Variants in TRIP12 observed in about 807,000 individuals in gnomAD.
TRIP12 encodes the protein thyroid hormone receptor interactor 12.
TRIP12 carries 25 observed loss-of-function variants against 244.2 expected under a neutral mutation model. The observed-to-expected ratio is 0.10, with a 90% CI of 0.07 to 0.14. TRIP12 has a LOEUF of 0.14. Among genes scored for constraint, TRIP12 ranks in the 10% least tolerant of loss-of-function variants. TRIP12 has a pLI of 1.00. For synonymous variants in TRIP12, 905 were observed against 873.1 expected (o/e 1.04, Z -0.64); for missense variants, 1,677 against 2,486.4 (o/e 0.67, Z 6.92).
At chr2:229,813,192 A>T (rs1315706087) in intron 13 of TRIP12, among the ~76,000 whole-genome samples, 1 of 152,172 alleles carries the variant, frequency 6.6e-6, no homozygotes, top group East Asian at 1.9e-4. Context: ...CTTAACCCAT[A>T]TTCTCCTGCT....
intron 2 of TRIP12, among the ~76,000 whole-genome samples, chr2:229,878,829 A>C (rs929760375): frequency 1.2e-4 from 18 of 151,758 alleles, no homozygotes; most frequent in Admixed American, 2.0e-4. Context: ...TGATCCGCCC[A>C]CCTTGGCCTC....
chr2:229,829,434 C>A, intron 7 of TRIP12, 146 bp from the exon 8 acceptor site: 1 of 598,000 alleles, frequency 1.7e-6, no homozygotes, highest in Non-Finnish European at 2.9e-6. Flanking sequence ...AAGCTACAAA[C>A]TTTCAAGACC....
intron 1 of TRIP12, among the ~76,000 whole-genome samples, chr2:229,910,315 G>A (rs1272347399): frequency 1.3e-5 from 2 of 152,146 alleles, no homozygotes; most frequent in African/African-American, 2.4e-5. Context: ...AGTTAACTCT[G>A]TAATTATGAA....
chr2:229,826,822 C>T lies in TRIP12; in HGVS notation c.1450+2371G>A, dbSNP rs956403204. ...TGATATAAAAGATTAAAAAATGGTA[C>T]GTCTGTATAGGGCACTTACCATGAA... On this transcript the variant is annotated intron_variant, in intron 8 of 41. Transcript: ENST00000675903. 7.2e-5 allele frequency among the ~76,000 whole-genome samples: 11 copies of T among 151,934 alleles called. 1 individual carries two copies. Among genetic ancestry groups the T allele is most frequent in the Admixed American group, 3.3e-4 (5 of 15,254 alleles).
chr2:229,914,040 G>T (rs1002853474), intron 1 of TRIP12, among the ~76,000 whole-genome samples: 1 of 151,992 alleles, frequency 6.6e-6, no homozygotes, highest in African/African-American at 2.4e-5. Flanking sequence ...AGCCGAGGTG[G>T]GTGGATTGCC....
rs1289412111 is a variant in TRIP12 at position 229,763,999 on chromosome 2, C to T, written c.*3555G>A. ...AAAAATGCTTTACACAGGAGATCAG[C>T]AATTGGTTATAGGTTTGGAAATATG... On this transcript the variant is annotated 3_prime_UTR_variant, in exon 42 of 42. Coordinates refer to ENST00000675903, the MANE Select transcript of TRIP12 (RefSeq NM_001348323.3). 6.6e-6 allele frequency: 1 copy of T among 152,140 alleles called. No homozygotes were observed. Among genetic ancestry groups the T allele is most frequent in the Non-Finnish European group, 1.5e-5 (1 of 68,038 alleles). The allele number at this position is 152,140 out of a possible 1,614,324, so 9.4% of individuals were successfully genotyped here. A position where few individuals can be genotyped will look rare whatever the true frequency, so the allele number is the denominator to read the frequency against.
chr2:229,843,096 C>G (rs13033489), intron 4 of TRIP12, among the ~76,000 whole-genome samples: 2 of 131,592 alleles, frequency 1.5e-5, no homozygotes, highest in Non-Finnish European at 3.2e-5. Flanking sequence ...CTCCTTCTCT[C>G]TCTCCCTCCC....
chr2:229,785,640 A>G, intron 34 of TRIP12, 117 bp downstream of exon 34: 3 of 928,586 alleles, frequency 3.2e-6, no homozygotes, highest in Non-Finnish European at 4.7e-6. Context: ...ATTCAAGAGA[A>G]AAGAGAGCAA....
In TRIP12 at chr2:229,859,247, G is replaced by A. The variant is rs748897921; in HGVS notation, c.552C>T (p.Gly184=). The A allele has an allele frequency of 6.8e-6, 11 of 1,614,044 alleles. 1 individual carries two copies. In the South Asian group the frequency reaches 1.1e-4, roughly 16 times the overall value. Residue 184 remains glycine (G), a synonymous_variant, in exon 4 of 42, where the codon GGC becomes GGT. Transcript: ENST00000675903. ...TTTTTCTTTTCTGACTCCGTGAACC[G>A]CCAGTGGCCCCACTCTTCCTGGTAT... is the stretch of plus-strand genomic sequence containing the variant. The part of the protein sequence containing the change: ...KAHTRKSGAT[G]GSRSQKRKRT...
chr2:229,884,488 C>T (rs946536856), intron 1 of TRIP12, among the ~76,000 whole-genome samples: 5 of 152,046 alleles, frequency 3.3e-5, no homozygotes, highest in South Asian at 2.1e-4. Context: ...CCGCCCACCT[C>T]GGCCTCCCAA....
In TRIP12 at chr2:229,788,950, G is replaced by A; in HGVS notation, c.4696-10C>T. ...CCTTGCACATTGCATTCTGTAAAAT[G>A]TTTAAAAAAAAAAAAGTCTACATGT... On this transcript the variant is annotated splice_polypyrimidine_tract_variant and intron_variant, in intron 31 of 41. Coordinates refer to ENST00000675903, the MANE Select transcript of TRIP12 (RefSeq NM_001348323.3). The A allele has an allele frequency of 6.4e-7, 1 of 1,560,896 alleles. No individual in the cohort carries two copies. Among genetic ancestry groups the A allele is most frequent in the Non-Finnish European group, 8.7e-7 (1 of 1,153,528 alleles).
chr2:229,768,659 T>C lies in TRIP12; in HGVS notation c.5964A>G (p.Leu1988=). ...LSSFDNEQQR[L]FLQFVTGSPR... ...GGCTACCAGTCACAAACTGGAGAAA[T>C]AACCTCTGCTGCTCATTATCAAAAC... The change falls in exon 41 of 42, where the codon TTA becomes TTG. Residue 1988 remains leucine, a synonymous_variant. Coordinates refer to ENST00000675903, the MANE Select transcript of TRIP12 (RefSeq NM_001348323.3). 1 of 1,612,396 alleles carries C rather than the reference T, an allele frequency of 6.2e-7. No homozygotes were observed. The highest frequency in any genetic ancestry group is 8.5e-7 in the Non-Finnish European group (1 of 1,179,642).
chr2:229,822,084 G>T (rs1223529019), intron 8 of TRIP12, among the ~76,000 whole-genome samples: 1 of 152,204 alleles, frequency 6.6e-6, no homozygotes, highest in Non-Finnish European at 1.5e-5. Context: ...AGGTTGCAGT[G>T]AACCAAGTTC....
chr2:229,802,503 G>A (rs1385989657), intron 20 of TRIP12, 44 bp from the exon 21 acceptor site: 1 of 1,465,578 alleles, frequency 6.8e-7, no homozygotes, highest in African/African-American at 1.4e-5. Flanking sequence ...TTAATCAGGA[G>A]TAGAACCTTC....
chr2:229,804,948 C>T (rs763092112), intron 18 of TRIP12, among the ~76,000 whole-genome samples: 1 of 152,084 alleles, frequency 6.6e-6, no homozygotes, highest in Non-Finnish European at 1.5e-5. Context: ...CTCTGTCACC[C>T]AGGCTGGAGT....
chr2:229,879,539 T>C (rs2064376484), intron 2 of TRIP12, among the ~76,000 whole-genome samples: 1 of 152,218 alleles, frequency 6.6e-6, no homozygotes, highest in South Asian at 2.1e-4. Context: ...CCTGTTAATA[T>C]CTATGCTGTC....
intron 6 of TRIP12, among the ~76,000 whole-genome samples, chr2:229,832,145 T>C (rs2053609264): frequency 6.6e-6 from 1 of 152,150 alleles, no homozygotes; most frequent in Admixed American, 6.5e-5. Flanking sequence ...TCTATGTAAC[T>C]TCATTATTGG....
intron 41 of TRIP12, among the ~76,000 whole-genome samples, chr2:229,768,299 C>T (rs1370550461): frequency 6.6e-6 from 1 of 152,132 alleles, no homozygotes; most frequent in East Asian, 1.9e-4. Flanking sequence ...ACCAATTTAA[C>T]TTACATTAGG....
At chr2:229,866,808 A>C (rs2154342425) in intron 2 of TRIP12, among the ~76,000 whole-genome samples, 1 of 152,336 alleles carries the variant, frequency 6.6e-6, no homozygotes, top group African/African-American at 2.4e-5. Flanking sequence ...AGGAGAATAT[A>C]AGCTTTATAG....
Sources: allele counts gnomAD v4.1 joint callset (sites outside exome capture counted in the v4.1 genomes callset), GRCh38; gene constraint gnomAD v4.1.1; transcripts MANE v1.5; gene names NCBI Gene and HGNC (gene_info 2026-07-23, HGNC 2026-07-21).